IP6K2: variants seen among roughly 807,000 people sequenced by gnomAD.
IP6K2 encodes the protein ATP:1D-myo-inositol-hexakisphosphate phosphotransferase.
In IP6K2, 9 loss-of-function variants were observed where a neutral mutation model predicts 43.3. The ratio of observed to expected loss-of-function variants is 0.21; its 90% CI spans 0.13 to 0.36. IP6K2 has a LOEUF of 0.36. Ranked by LOEUF, IP6K2 falls within the 10% of genes least tolerant of loss-of-function variation. IP6K2 has a pLI of 1.00. For missense variants in IP6K2, 332 were observed against 538.4 expected (o/e 0.62, Z 3.79); for synonymous variants, 209 against 202.4 (o/e 1.03, Z -0.28).
chr3:48,695,596 C>T lies in IP6K2; in HGVS notation c.-130-175G>A. 1.2e-6 allele frequency: 1 copy of T among 806,678 alleles called. No homozygotes were observed. Among genetic ancestry groups the T allele is most frequent in the Non-Finnish European group, 1.7e-6 (1 of 591,104 alleles). 50.0% of individuals were successfully genotyped at this position (806,678 alleles called of 1,614,324 possible). ...CTTCTCCGGCAGAAAAACAAAAACA[C>T]TATGAGCTCATGGGGCGGGGTTAGA... is the stretch of plus-strand genomic sequence containing the variant. On this transcript the variant is annotated intron_variant, in intron 1 of 5. Coordinates refer to ENST00000328631, the MANE Select transcript of IP6K2 (RefSeq NM_016291.4). The surrounding 1 kb of genome is among the most constrained non-coding windows in gnomAD (Gnocchi z 4.6).
intron 2 of IP6K2, chr3:48,693,761 G>A (rs1429666651): frequency 9.7e-7 from 1 of 1,035,550 alleles, no homozygotes; most frequent in East Asian, 9.2e-5. Flanking sequence ...AGGCACCCAG[G>A]CCTTTTGTTC....
At chr3:48,701,497 G>A (rs1304882596) in intron 1 of IP6K2, among the ~76,000 whole-genome samples, 2 of 145,884 alleles carry the variant, frequency 1.4e-5, no homozygotes, top group Admixed American at 7.0e-5. Context: ...AACCCAGGAG[G>A]TGGAGGCTAC....
In IP6K2 at chr3:48,688,256, T is replaced by C. The variant is rs945795818; in HGVS notation, c.*17A>G. The C allele has an allele frequency of 1.9e-6, 3 of 1,610,012 alleles. No homozygotes were observed. Among genetic ancestry groups the C allele is most frequent in the Non-Finnish European group, 2.5e-6 (3 of 1,176,692 alleles). ...GGGACACAGAGTCGCTCTCAAGTAC[T>C]GGAGCAGCTAGCAAGCTCACTCCCC... On this transcript the variant is annotated 3_prime_UTR_variant, in exon 6 of 6. Coordinates refer to ENST00000328631, the MANE Select transcript of IP6K2 (RefSeq NM_016291.4). This position sits in a 1 kb window ranked among gnomAD's most constrained non-coding sequence, Gnocchi z 5.1.
At chr3:48,696,309 C>G (rs538211688) in intron 1 of IP6K2, among the ~76,000 whole-genome samples, 3 of 152,190 alleles carry the variant, frequency 2.0e-5, no homozygotes, top group East Asian at 1.9e-4. Context: ...AGGCCAAAGA[C>G]GAGCCCCATT....
intron 2 of IP6K2, chr3:48,694,004 A>G: frequency 1.9e-5 from 26 of 1,382,124 alleles, no homozygotes; most frequent in South Asian, 1.1e-4. Context: ...CGACTGGCTG[A>G]ACACCTTTCC....
rs1416705016 is a variant in IP6K2, at chr3:48,695,429, C to G, written c.-130-8G>C. Reference sequence around the variant, plus strand: ...TCTGGCCAGGATGCTCTGCTGGAAGCAAACAAAATGATGACATGGGGGTTC... The same window carrying G: ...TCTGGCCAGGATGCTCTGCTGGAAGGAAACAAAATGATGACATGGGGGTTC... On this transcript the variant is annotated splice_region_variant and splice_polypyrimidine_tract_variant and intron_variant, in intron 1 of 5. Transcript: ENST00000328631. The surrounding 1 kb of genome is among the most constrained non-coding windows in gnomAD (Gnocchi z 4.6). The G allele has an allele frequency of 2.1e-6, 3 of 1,420,266 alleles. No individual in the cohort carries two copies. Among genetic ancestry groups the G allele is most frequent in the Non-Finnish European group, 2.8e-6 (3 of 1,085,162 alleles). 88.0% of individuals were successfully genotyped at this position (1,420,266 alleles called of 1,614,324 possible).
chr3:48,704,780 A>G (rs935745492), intron 1 of IP6K2, among the ~76,000 whole-genome samples: 7 of 148,194 alleles, frequency 4.7e-5, no homozygotes, highest in Non-Finnish European at 1.0e-4. Flanking sequence ...GCCGTTTATG[A>G]TACACTTTTT....
At chr3:48,691,542 A>T in intron 3 of IP6K2, 60 bp from the exon 4 acceptor site, 1 of 1,277,448 alleles carries the variant, frequency 7.8e-7, no homozygotes, top group East Asian at 2.3e-5. Context: ...AAGGCCGGGC[A>T]TGGTGGCTCA....
At chr3:48,716,495 A>C (rs2081207971) in intron 1 of IP6K2, 1 of 152,250 alleles carries the variant, frequency 6.6e-6, no homozygotes, top group Non-Finnish European at 1.5e-5. Flanking sequence ...GAAATAAGCC[A>C]TTAGGATGCA....
At chr3:48,713,468 C>T (rs1291921039) in intron 1 of IP6K2, among the ~76,000 whole-genome samples, 2 of 152,224 alleles carry the variant, frequency 1.3e-5, no homozygotes, top group Non-Finnish European at 2.9e-5. Context: ...AGATCTAGCC[C>T]AGGTTCCAAC....
rs757723625 is a variant in IP6K2 at position 48,691,292 on chromosome 3, G to A, written c.604+15C>T. ...CTTACCCTCAAATGCAGAGATGCCC[G>A]TGAACAAAGGATACTGTACTGGTTC... is the stretch of plus-strand genomic sequence containing the variant. On this transcript the variant is annotated intron_variant, in intron 4 of 5. Coordinates refer to ENST00000328631, the MANE Select transcript of IP6K2 (RefSeq NM_016291.4). The A allele has an allele frequency of 8.8e-6, 14 of 1,599,132 alleles. No homozygotes were observed. Among genetic ancestry groups the A allele is most frequent in the African/African-American group, 4.0e-5 (3 of 74,336 alleles).
In IP6K2 at chr3:48,689,436, G is replaced by T. The variant is rs148929812; in HGVS notation, c.780+102C>A. The T allele has an allele frequency of 8.7e-4, 1,081 of 1,237,618 alleles. 7 individuals are homozygous for T. The African/African-American group carries it at 0.014, about 16-fold the overall frequency. The allele number at this position is 1,237,618 out of a possible 1,614,324, so 76.7% of individuals were successfully genotyped here. A position where few individuals can be genotyped will look rare whatever the true frequency, so the allele number is the denominator to read the frequency against. On this transcript the variant is annotated intron_variant, in intron 5 of 5. Coordinates refer to ENST00000328631, the MANE Select transcript of IP6K2 (RefSeq NM_016291.4). ...CAAAGTGCTGGGATTACAGGTGTGA[G>T]CCACTGCACCTGGCCTGGAATCTTT... is the stretch of plus-strand genomic sequence containing the variant.
intron 1 of IP6K2, among the ~76,000 whole-genome samples, chr3:48,703,369 C>T (rs1276266378): frequency 6.6e-6 from 1 of 151,980 alleles, no homozygotes; most frequent in East Asian, 1.9e-4. Flanking sequence ...AGGTCATATC[C>T]CAAAGACCCA....
chr3:48,692,755 G>A (rs1008440307), intron 3 of IP6K2, among the ~76,000 whole-genome samples, 199 bp downstream of exon 3: 15 of 152,242 alleles, frequency 9.9e-5, no homozygotes, highest in Admixed American at 3.9e-4. Flanking sequence ...CAGTGCAGCT[G>A]TTTGCCCAAA....
chr3:48,712,450 G>A (rs953980721), intron 1 of IP6K2, among the ~76,000 whole-genome samples: 1 of 151,680 alleles, frequency 6.6e-6, no homozygotes, highest in African/African-American at 2.4e-5. Context: ...GTTTCACCGT[G>A]TTAGCCAGGA....
At chr3:48,694,677 G>C in intron 2 of IP6K2, 2 of 1,505,356 alleles carry the variant, frequency 1.3e-6, no homozygotes, top group South Asian at 1.3e-5. Flanking sequence ...CTGACTCAAC[G>C]CTGCTCCCCG....
chr3:48,689,820 A>G, intron 4 of IP6K2, 107 bp from the exon 5 acceptor site: 1 of 887,244 alleles, frequency 1.1e-6, no homozygotes, highest in Non-Finnish European at 1.7e-6. Context: ...GCCTGAACCC[A>G]CAGGAGACTC....
intron 2 of IP6K2, chr3:48,694,780 C>T (rs776079531): frequency 2.0e-5 from 30 of 1,532,588 alleles, no homozygotes; most frequent in Admixed American, 6.0e-5. Flanking sequence ...CTTCCCCCAC[C>T]GTCCCCCCAG....
At chr3:48,717,010 G>A (rs1171641546) in intron 1 of IP6K2, 147 bp downstream of exon 1, 3 of 153,676 alleles carry the variant, frequency 2.0e-5, no homozygotes, top group East Asian at 1.9e-4. Context: ...CAGGGACCCC[G>A]GGAGATTTCC....
Sources: allele counts gnomAD v4.1 joint callset (sites outside exome capture counted in the v4.1 genomes callset), GRCh38; gene constraint gnomAD v4.1.1; non-coding constraint Gnocchi (gnomAD v3.1); transcripts MANE v1.5; gene names NCBI Gene and HGNC (gene_info 2026-07-23, HGNC 2026-07-21).